Variants in ZFYVE9 observed in about 807,000 individuals in gnomAD.
ZFYVE9 encodes zinc finger FYVE-type containing 9.
Under a neutral mutation model 126.7 loss-of-function variants are expected in ZFYVE9, and 43 were observed. The observed-to-expected ratio is 0.34, with a 90% CI of 0.27 to 0.44. The LOEUF is 0.44. Among genes scored for constraint, ZFYVE9 ranks in the 20% least tolerant of loss-of-function variants. The probability of loss-of-function intolerance (pLI) is 1.00; values close to 1 mark genes in which losing one functional copy is unlikely to be tolerated. For synonymous variants in ZFYVE9, 521 were observed against 597.4 expected, an observed-to-expected ratio of 0.87 and a Z score of 1.87; for missense variants, 1,476 against 1,697.0, an observed-to-expected ratio of 0.87 and a Z score of 2.29.
intron 13 of ZFYVE9, among the ~76,000 whole-genome samples, chr1:52,320,015 CAAA>C (rs199572576): frequency 1.1e-4 from 15 of 134,454 alleles, no homozygotes; most frequent in South Asian, 4.8e-4. Flanking sequence ...GATTCTGTCT[CAAA>C]AAAAAAAAAA....
intron 1 of ZFYVE9, among the ~76,000 whole-genome samples, chr1:52,200,194 T>C (rs1644910840): frequency 6.6e-6 from 1 of 152,104 alleles, no homozygotes; most frequent in South Asian, 2.1e-4. Context: ...TTTTTATTTT[T>C]TTTAGACAGG....
chr1:52,295,846 A>G, intron 11 of ZFYVE9, 49 bp from the exon 12 acceptor site: 1 of 1,499,300 alleles, frequency 6.7e-7, no homozygotes, highest in Non-Finnish European at 9.2e-7. Context: ...CTCTTTTACC[A>G]AAGTTTTATG....
chr1:52,267,642 C>T (rs535017036), intron 6 of ZFYVE9, among the ~76,000 whole-genome samples: 31 of 152,200 alleles, frequency 2.0e-4, no homozygotes, highest in Admixed American at 3.3e-4. Flanking sequence ...TCATACTCTT[C>T]CCCATTTTTT....
rs377576612 is a variant in ZFYVE9, at chr1:52,265,293, C to G, written c.2279-1362C>G. On this transcript the variant is annotated intron_variant, in intron 5 of 18. Coordinates refer to ENST00000287727, the MANE Select transcript of ZFYVE9 (RefSeq NM_004799.4). ...TTTTTCCCTTTCTCCTTTTCTCTTC[C>G]TCCCCTCTTTCTGCCAGTGCTTTCA... 3.9e-4 allele frequency among the ~76,000 whole-genome samples: 59 copies of G among 152,148 alleles called. 1 individual carries two copies. The South Asian group carries it at 0.012, about 32-fold the overall frequency.
rs1200929559 is a variant in ZFYVE9, at chr1:52,307,752, C to CTT, written c.3438+3841_3438+3842dup. ...AGCAAACTGAATTTTCTTTTTTCTT[C>CTT]TTTTTTTTTTTTTTTCTGATACGGA... On this transcript the variant is annotated intron_variant, in intron 13 of 18. Transcript: ENST00000287727. Among the ~76,000 whole-genome samples the CTT allele has an allele frequency of 8.4e-3, 1,171 of 139,812 alleles. 16 individuals are homozygous for CTT. The highest frequency in any genetic ancestry group is 0.029 in the African/African-American group (1,113 of 38,372). The allele number at this position is 139,812 out of a possible 152,430, so 91.7% of individuals were successfully genotyped here. A position where few individuals can be genotyped will look rare whatever the true frequency, so the allele number is the denominator to read the frequency against.
Position 52,233,107 on chromosome 1 carries a change from A to G in ZFYVE9, c.-36-64A>G, listed in dbSNP as rs537812231. On this transcript the variant is annotated intron_variant, in intron 2 of 18. Transcript: ENST00000287727. ...TTTATAAGAGATTTTATCCTTGTGT[A>G]TATACTTAAGATTTATAAATTATAT... is the stretch of plus-strand genomic sequence containing the variant. 11 of 693,248 alleles carry G rather than the reference A, an allele frequency of 1.6e-5. No individual in the cohort carries two copies. The East Asian group carries it at 2.1e-4, about 13-fold the overall frequency. The allele number at this position is 693,248 out of a possible 1,614,324, so 42.9% of individuals were successfully genotyped here. A position where few individuals can be genotyped will look rare whatever the true frequency, so the allele number is the denominator to read the frequency against.
chr1:52,150,955 A>G (rs1387431528), intron 1 of ZFYVE9, among the ~76,000 whole-genome samples: 1 of 150,660 alleles, frequency 6.6e-6, no homozygotes, highest in Non-Finnish European at 1.5e-5. Context: ...ACAGTACATC[A>G]TGTAGGCCTT....
intron 1 of ZFYVE9, among the ~76,000 whole-genome samples, chr1:52,193,665 C>T (rs1255336892): frequency 7.5e-6 from 1 of 132,788 alleles, no homozygotes; most frequent in African/African-American, 2.8e-5. Context: ...CGAGATCGTG[C>T]CACTACACTC....
At chr1:52,305,227 C>A (rs191653705) in intron 13 of ZFYVE9, among the ~76,000 whole-genome samples, 1 of 152,094 alleles carries the variant, frequency 6.6e-6, no homozygotes, top group African/African-American at 2.4e-5. Flanking sequence ...GATCACCTGA[C>A]GTCAGGAGTT....
chr1:52,268,813 G>C (rs1645659645), intron 7 of ZFYVE9, among the ~76,000 whole-genome samples, 181 bp downstream of exon 7: 1 of 152,210 alleles, frequency 6.6e-6, no homozygotes, highest in South Asian at 2.1e-4. Context: ...TGTATATTTA[G>C]AAGTTTTTTC....
intron 13 of ZFYVE9, among the ~76,000 whole-genome samples, chr1:52,328,136 G>T (rs1346416004): frequency 2.0e-5 from 3 of 152,196 alleles, no homozygotes; most frequent in Admixed American, 1.3e-4. Flanking sequence ...TTGAGATTCT[G>T]AATGGAGGAC....
At chr1:52,341,692 G>C (rs988746677) in intron 17 of ZFYVE9, among the ~76,000 whole-genome samples, 4 of 152,066 alleles carry the variant, frequency 2.6e-5, no homozygotes, top group Non-Finnish European at 5.9e-5. Context: ...AGGAAACAGA[G>C]ACCCAGGGTT....
intron 4 of ZFYVE9, among the ~76,000 whole-genome samples, chr1:52,244,803 C>T (rs1645367901): frequency 3.3e-5 from 5 of 152,076 alleles, no homozygotes; most frequent in Admixed American, 2.0e-4. Context: ...TTCTGTAGGA[C>T]CCGTCTGTGC....
chr1:52,240,648 C>A (rs545481572), intron 4 of ZFYVE9, among the ~76,000 whole-genome samples: 1 of 152,248 alleles, frequency 6.6e-6, no homozygotes, highest in South Asian at 2.1e-4. Flanking sequence ...CGTGGAAGTT[C>A]TCTCGGTCTT....
In ZFYVE9 at chr1:52,266,767, T is replaced by C. The variant is rs982951593; in HGVS notation, c.2391T>C (p.Ala797=). 1.9e-6 allele frequency: 3 copies of C among 1,611,972 alleles called. No individual in the cohort carries two copies. The African/African-American group carries it at 4.0e-5, about 22-fold the overall frequency. ...PPLQQAQASG[A]LSSPPPTVMV... ...TGCAGCAAGCTCAGGCCTCAGGAGC[T>C]CTGAGCTCTCCACCTCCCACTGTGA... The change falls in exon 6 of 19, where the codon GCT becomes GCC. Residue 797 remains alanine, a synonymous_variant. Coordinates refer to ENST00000287727, the MANE Select transcript of ZFYVE9 (RefSeq NM_004799.4).
chr1:52,288,348 G>A (rs1645883473), intron 10 of ZFYVE9, among the ~76,000 whole-genome samples: 1 of 152,180 alleles, frequency 6.6e-6, no homozygotes, highest in African/African-American at 2.4e-5. Flanking sequence ...AGGCTGTGTA[G>A]CAGTGGTGCC....
intron 13 of ZFYVE9, among the ~76,000 whole-genome samples, chr1:52,325,245 G>A (rs1646279687): frequency 6.6e-6 from 1 of 152,054 alleles, no homozygotes; most frequent in Non-Finnish European, 1.5e-5. Context: ...GGAGAATGGT[G>A]TGAACGTGGG....
intron 1 of ZFYVE9, chr1:52,162,362 C>G: frequency 2.7e-6 from 1 of 367,514 alleles, no homozygotes; most frequent in Non-Finnish European, 5.5e-6. Flanking sequence ...GCCGCCTTTG[C>G]CACCACCTCC....
chr1:52,312,688 T>TG (rs1314134423), intron 13 of ZFYVE9, among the ~76,000 whole-genome samples: 5 of 152,196 alleles, frequency 3.3e-5, no homozygotes, highest in Non-Finnish European at 5.9e-5. Context: ...CTAGGGGACT[T>TG]GCTCTGCTAC....
Sources: allele counts gnomAD v4.1 joint callset (sites outside exome capture counted in the v4.1 genomes callset), GRCh38; gene constraint gnomAD v4.1.1; transcripts MANE v1.5; gene names NCBI Gene and HGNC (gene_info 2026-07-23, HGNC 2026-07-21).